HDAC4: variants seen among roughly 807,000 people sequenced by gnomAD.
HDAC4 encodes histone deacetylase A.
In HDAC4, 16 loss-of-function variants were observed where a neutral mutation model predicts 135.1. That is an observed-to-expected ratio of 0.12 (90% CI 0.08 to 0.18). HDAC4 has a LOEUF of 0.18. Among genes scored for constraint, HDAC4 ranks in the 10% least tolerant of loss-of-function variants. The pLI, the probability that HDAC4 is intolerant of heterozygous loss-of-function variation, is 1.00. For synonymous variants in HDAC4, 685 were observed against 653.4 expected (o/e 1.05, Z -0.74); for missense variants, 1,143 against 1,511.8 (o/e 0.76, Z 4.05).
rs576742767 is a variant in HDAC4 at position 239,087,133 on chromosome 2, C to T, written c.2444+426G>A. On this transcript the variant is annotated intron_variant, in intron 19 of 26. Coordinates refer to ENST00000543185, the MANE Select transcript of HDAC4 (RefSeq NM_001378414.1). ...GCATCAGGATAGCTGCCTGCATGGA[C>T]GTGGCTCTGTGGCTTGCTGCGTCAG... Among the ~76,000 whole-genome samples the T allele has an allele frequency of 7.2e-4, 109 of 152,308 alleles. 1 individual carries two copies. The highest frequency in any genetic ancestry group is 2.5e-3 in the African/African-American group (106 of 41,570).
intron 3 of HDAC4, among the ~76,000 whole-genome samples, chr2:239,215,475 G>A (rs2046582229): frequency 6.6e-6 from 1 of 152,154 alleles, no homozygotes; most frequent in African/African-American, 2.4e-5. Flanking sequence ...AATCAACAGG[G>A]AGGGCACCAA....
intron 24 of HDAC4, among the ~76,000 whole-genome samples, chr2:239,061,366 G>A (rs1323821926): frequency 1.3e-5 from 2 of 151,778 alleles, no homozygotes; most frequent in South Asian, 2.1e-4. Flanking sequence ...GTGAGACTGT[G>A]GTACCTGTGT....
chr2:239,119,911 C>T (rs935616382), intron 12 of HDAC4, among the ~76,000 whole-genome samples: 6 of 151,870 alleles, frequency 4.0e-5, no homozygotes, highest in Middle Eastern at 3.4e-3. Flanking sequence ...CTGGGTCCAG[C>T]GGCAGTGGGG....
intron 2 of HDAC4, among the ~76,000 whole-genome samples, chr2:239,276,126 C>G (rs2050345945): frequency 6.6e-6 from 1 of 152,200 alleles, no homozygotes; most frequent in Non-Finnish European, 1.5e-5. Flanking sequence ...TGACTCACGG[C>G]AGACACCGAC....
At chr2:239,375,258 A>C (rs1029899553) in intron 1 of HDAC4, among the ~76,000 whole-genome samples, 1 of 152,086 alleles carries the variant, frequency 6.6e-6, no homozygotes, top group Admixed American at 6.5e-5. Flanking sequence ...GTGCCCCGGG[A>C]GGTGCCAGAG....
At chr2:239,094,194 T>C in intron 17 of HDAC4, 1 of 985,466 alleles carries the variant, frequency 1.0e-6, no homozygotes, top group Non-Finnish European at 1.2e-6. Flanking sequence ...ATGGCCCGGA[T>C]CTGCTCGGAC....
Position 239,115,735 on chromosome 2 carries a change from G to A in HDAC4, c.1534-425C>T, listed in dbSNP as rs139777639. On this transcript the variant is annotated intron_variant, in intron 12 of 26. Transcript: ENST00000543185. This position sits in a 1 kb window ranked among gnomAD's most constrained non-coding sequence, Gnocchi z 6.3. ...AGAAACAGCCCACCACCCACTCAGCGGAAGACAACCACGTCCACAATGCTC... is the reference window on the plus strand; with the variant it reads ...AGAAACAGCCCACCACCCACTCAGCAGAAGACAACCACGTCCACAATGCTC... Among the ~76,000 whole-genome samples, 1,137 of 152,180 alleles carry A rather than the reference G, an allele frequency of 7.5e-3. 7 individuals are homozygous for A. The highest frequency in any genetic ancestry group is 0.012 in the Non-Finnish European group (799 of 68,006).
At chr2:239,137,717 G>C (rs937529638) in intron 9 of HDAC4, among the ~76,000 whole-genome samples, 1 of 152,138 alleles carries the variant, frequency 6.6e-6, no homozygotes, top group Non-Finnish European at 1.5e-5. Flanking sequence ...GCCAGCCCCT[G>C]GCCATGAAGC....
chr2:239,301,335 T>TC (rs1345448495), intron 2 of HDAC4, among the ~76,000 whole-genome samples: 8 of 152,096 alleles, frequency 5.3e-5, no homozygotes, highest in Non-Finnish European at 1.2e-4. Context: ...GCCTGCTGAG[T>TC]CCTCGATCTG....
chr2:239,350,361 C>T (rs115507153), intron 2 of HDAC4, among the ~76,000 whole-genome samples: 2,270 of 151,798 alleles, frequency 0.015, 28 homozygotes, highest in Middle Eastern at 0.034. Flanking sequence ...TAGAAAAATA[C>T]ACTTTTCCAA....
rs942853779 is a variant in HDAC4, at chr2:239,306,064, A to G, written c.22+46614T>C. Reference sequence around the variant, plus strand: ...GACTGCCTGGCTTCACATGAGAAACACTCTGCTTAAGTAACTACTTCATCA... The same window carrying G: ...GACTGCCTGGCTTCACATGAGAAACGCTCTGCTTAAGTAACTACTTCATCA... On this transcript the variant is annotated intron_variant, in intron 2 of 26. Transcript: ENST00000543185. This position sits in a 1 kb window ranked among gnomAD's most constrained non-coding sequence, Gnocchi z 4.5. 2.6e-4 allele frequency among the ~76,000 whole-genome samples: 39 copies of G among 152,172 alleles called. No homozygotes were observed. The highest frequency in any genetic ancestry group is 3.4e-3 in the Middle Eastern group (1 of 294).
chr2:239,162,217 T>TATC lies in HDAC4; in HGVS notation c.611+1583_611+1585dup, dbSNP rs760617320. The TATC allele has an allele frequency of 1.3e-5, 6 of 456,626 alleles. No homozygotes were observed. In the East Asian group the frequency reaches 3.5e-4, roughly 26 times the overall value. 28.3% of individuals were successfully genotyped at this position (456,626 alleles called of 1,614,324 possible). On this transcript the variant is annotated intron_variant, in intron 6 of 26. Coordinates refer to ENST00000543185, the MANE Select transcript of HDAC4 (RefSeq NM_001378414.1). ...GGGCTGCCCGTGCTTGCCCCACTCC[T>TATC]ATCACTGTCTTCTCAAAGCTCGCTT...
intron 1 of HDAC4, among the ~76,000 whole-genome samples, chr2:239,390,312 G>C (rs1202553827): frequency 1.3e-5 from 2 of 152,166 alleles, no homozygotes; most frequent in Admixed American, 6.5e-5. Context: ...TGGGCAGACT[G>C]TTTGAGCCCA....
chr2:239,061,734 C>T (rs2032771272), intron 24 of HDAC4, among the ~76,000 whole-genome samples: 1 of 152,214 alleles, frequency 6.6e-6, no homozygotes, highest in South Asian at 2.1e-4. Flanking sequence ...GTTTCACAAC[C>T]ACACCTTTCA....
At chr2:239,322,771 TG>T (rs1293949734) in intron 2 of HDAC4, among the ~76,000 whole-genome samples, 1 of 152,098 alleles carries the variant, frequency 6.6e-6, no homozygotes, top group Non-Finnish European at 1.5e-5. Flanking sequence ...GTGGGTAGCC[TG>T]GGTCTGTCAC....
At chr2:239,076,148 C>G (rs375339930) in intron 22 of HDAC4, among the ~76,000 whole-genome samples, 1 of 151,842 alleles carries the variant, frequency 6.6e-6, no homozygotes, top group Non-Finnish European at 1.5e-5. Context: ...AGGCGGGTGC[C>G]GGGCCACTCT....
intron 6 of HDAC4, chr2:239,161,941 C>T (rs990615009): frequency 1.9e-5 from 7 of 370,694 alleles, no homozygotes; most frequent in Middle Eastern, 4.0e-4. Context: ...TTTCCTTGGG[C>T]CTGCTGCTCC....
At chr2:239,195,545 CTG>C (rs1293270370) in intron 3 of HDAC4, among the ~76,000 whole-genome samples, 3 of 152,324 alleles carry the variant, frequency 2.0e-5, no homozygotes, top group South Asian at 2.1e-4. Flanking sequence ...GCGCCTACGG[CTG>C]TGTCAGACGT....
intron 1 of HDAC4, among the ~76,000 whole-genome samples, chr2:239,397,734 T>A (rs528466675): frequency 6.6e-6 from 1 of 152,308 alleles, no homozygotes; most frequent in South Asian, 2.1e-4. Context: ...GAAGAGAACT[T>A]ACTGACCTTA....
Sources: gnomAD v4.1 joint callset for allele counts (sites outside exome capture counted in the v4.1 genomes callset) on GRCh38, gnomAD v4.1.1 for gene constraint, Gnocchi (gnomAD v3.1) non-coding constraint, MANE v1.5 for transcripts, NCBI Gene and HGNC (gene_info 2026-07-23, HGNC 2026-07-21) for gene names.